Variants in PCDHA9 observed in about 807,000 individuals in gnomAD.
PCDHA9 encodes the protein protocadherin alpha 9.
In PCDHA9, 62 loss-of-function variants were observed where a neutral mutation model predicts 62.0. That is an observed-to-expected ratio of 1.00 (90% CI 0.81 to 1.23). The LOEUF (loss-of-function observed/expected upper bound fraction) is 1.23, where lower values mean the gene tolerates loss of function less well. Among genes scored for constraint, PCDHA9 ranks in the 50% most tolerant of loss-of-function variants. PCDHA9 has a pLI of 0.00. For missense variants in PCDHA9, 1,205 were observed against 1,249.8 expected (o/e 0.96, Z 0.54); for synonymous variants, 557 against 567.6 (o/e 0.98, Z 0.27).
chr5:140,949,630 T>C (rs549897729), intron 1 of PCDHA9, among the ~76,000 whole-genome samples: 2 of 152,016 alleles, frequency 1.3e-5, no homozygotes, highest in South Asian at 4.1e-4. Flanking sequence ...TTTCATGGCA[T>C]ATTGCTTTTT....
intron 3 of PCDHA9, among the ~76,000 whole-genome samples, chr5:140,987,294 C>A (rs1406567852): frequency 6.6e-6 from 1 of 152,004 alleles, no homozygotes; most frequent in Non-Finnish European, 1.5e-5. Context: ...AACAAGCCTT[C>A]TATGTGATAC....
intron 3 of PCDHA9, among the ~76,000 whole-genome samples, chr5:141,002,004 A>G (rs1386748835): frequency 2.0e-5 from 3 of 152,210 alleles, no homozygotes; most frequent in Non-Finnish European, 4.4e-5. Context: ...TTGCAAACAC[A>G]GAATCTGCAC....
chr5:140,871,028 C>A (rs782198197), intron 1 of PCDHA9: 2 of 1,613,234 alleles, frequency 1.2e-6, no homozygotes, highest in Non-Finnish European at 1.7e-6. Context: ...GCAGACTCGC[C>A]GCGCCACCGA....
chr5:140,849,968 C>G lies in PCDHA9; in HGVS notation c.1473C>G (p.Ser491=). The G allele has an allele frequency of 6.3e-7, 1 of 1,597,844 alleles. No homozygotes were observed. Among genetic ancestry groups the G allele is most frequent in the Non-Finnish European group, 8.6e-7 (1 of 1,167,918 alleles). ...ACGCGCAGGAGAACGCCCTGGTGTCCTACTCGCTGGTGGAGCGGCGGTTGG... is the reference window on the plus strand; with the variant it reads ...ACGCGCAGGAGAACGCCCTGGTGTCGTACTCGCTGGTGGAGCGGCGGTTGG... ...DADAQENALV[S]YSLVERRLGE... is the part of the protein sequence containing the mutation. The change falls in exon 1 of 4, where the codon TCC becomes TCG. Residue 491 remains serine (S), a synonymous_variant. Transcript: ENST00000532602.
chr5:140,954,782 C>T (rs894049284), intron 1 of PCDHA9, among the ~76,000 whole-genome samples: 3 of 152,128 alleles, frequency 2.0e-5, no homozygotes, highest in Non-Finnish European at 4.4e-5. Context: ...TTAATTAGAT[C>T]TCATTTGTCA....
At chr5:141,005,153 C>G (rs1408163088) in intron 3 of PCDHA9, among the ~76,000 whole-genome samples, 1 of 152,194 alleles carries the variant, frequency 6.6e-6, no homozygotes, top group East Asian at 1.9e-4. Flanking sequence ...GTTTGGTCTG[C>G]TAAAGAGTGG....
At chr5:140,978,770 A>G in intron 1 of PCDHA9, 179 bp from the exon 2 acceptor site, 3 of 956,466 alleles carry the variant, frequency 3.1e-6, no homozygotes, top group Non-Finnish European at 2.5e-6. Context: ...CTGATGAACT[A>G]ATTTTCTTCT....
intron 1 of PCDHA9, among the ~76,000 whole-genome samples, chr5:140,887,536 C>G (rs2153420652): frequency 6.6e-6 from 1 of 152,238 alleles, no homozygotes; most frequent in African/African-American, 2.4e-5. Context: ...CTTCCTCTCC[C>G]CACCCCTCAT....
chr5:140,915,832 A>T (rs1297251550), intron 1 of PCDHA9, among the ~76,000 whole-genome samples: 1 of 152,084 alleles, frequency 6.6e-6, no homozygotes, highest in Non-Finnish European at 1.5e-5. Context: ...GGGCTCTAAG[A>T]TCAGCAGGGG....
chr5:140,994,209 A>G (rs2097604620), intron 3 of PCDHA9, among the ~76,000 whole-genome samples: 1 of 152,142 alleles, frequency 6.6e-6, no homozygotes, highest in Non-Finnish European at 1.5e-5. Flanking sequence ...CCAGAATGGG[A>G]CCCAGGGTCT....
intron 1 of PCDHA9, chr5:140,884,416 G>T (rs1035372416): frequency 1.2e-6 from 2 of 1,614,006 alleles, no homozygotes; most frequent in East Asian, 4.5e-5. Flanking sequence ...TCACGTTGCT[G>T]CTGTATACTG....
rs563512273 is a variant in PCDHA9 at position 140,921,751 on chromosome 5, A to G, written c.2395-57198A>G. Among the ~76,000 whole-genome samples, 11 of 152,290 alleles carry G rather than the reference A, an allele frequency of 7.2e-5. No homozygotes were observed. The East Asian group carries it at 7.7e-4, about 11-fold the overall frequency. On this transcript the variant is annotated intron_variant, in intron 1 of 3. Coordinates refer to ENST00000532602, the MANE Select transcript of PCDHA9 (RefSeq NM_031857.2). ...ATAAAAATTATAAGCATAACAGGAC[A>G]CTTCTTGGCTACTATTCAATACTGA...
chr5:140,979,355 T>C (rs1437499560), intron 2 of PCDHA9, among the ~76,000 whole-genome samples: 6 of 152,206 alleles, frequency 3.9e-5, no homozygotes, highest in African/African-American at 1.4e-4. Flanking sequence ...TTAATACTCA[T>C]GCTTTGAGAC....
At chr5:140,873,403 GT>G (rs2054272319) in intron 1 of PCDHA9, among the ~76,000 whole-genome samples, 1 of 152,046 alleles carries the variant, frequency 6.6e-6, no homozygotes, top group South Asian at 2.1e-4. Flanking sequence ...TTCAGTACAG[GT>G]TAAAATTTTG....
intron 1 of PCDHA9, chr5:140,968,136 T>C (rs1554230395): frequency 1.2e-6 from 2 of 1,614,102 alleles, no homozygotes; most frequent in South Asian, 2.2e-5. Flanking sequence ...ACACTGAAGG[T>C]TGAGATCTCT....
chr5:140,933,586 T>A (rs1474110331), intron 1 of PCDHA9, among the ~76,000 whole-genome samples: 1 of 152,108 alleles, frequency 6.6e-6, no homozygotes, highest in Non-Finnish European at 1.5e-5. Flanking sequence ...AGTGGGTTTT[T>A]AGGTTGATTT....
At chr5:140,881,353 G>T (rs537796043) in intron 1 of PCDHA9, 4 of 985,178 alleles carry the variant, frequency 4.1e-6, no homozygotes, top group Non-Finnish European at 4.8e-6. Context: ...GCTACAATGC[G>T]TGGCTTTCGT....
chr5:140,876,146 C>T, intron 1 of PCDHA9: 1 of 1,613,952 alleles, frequency 6.2e-7, no homozygotes, highest in Non-Finnish European at 8.5e-7. Context: ...CTAACAGGGT[C>T]TGTCCAGATT....
chr5:140,853,712 G>A (rs2042842322), intron 1 of PCDHA9: 2 of 988,190 alleles, frequency 2.0e-6, no homozygotes, highest in Non-Finnish European at 2.4e-6. Flanking sequence ...ATTAGCATTA[G>A]CAGCACCTAA....
Sources: allele counts gnomAD v4.1 joint callset (sites outside exome capture counted in the v4.1 genomes callset), GRCh38; gene constraint gnomAD v4.1.1; transcripts MANE v1.5; gene names NCBI Gene and HGNC (gene_info 2026-07-23, HGNC 2026-07-21).